KIF21A: variants seen among roughly 807,000 people sequenced by gnomAD.
KIF21A encodes the protein kinesin-like protein KIF21A.
Under a neutral mutation model 202.9 loss-of-function variants are expected in KIF21A, and 114 were observed. The observed-to-expected ratio is 0.56, with a 90% CI of 0.48 to 0.66. The LOEUF (loss-of-function observed/expected upper bound fraction) is 0.66. Ranked by LOEUF, KIF21A falls within the 30% of genes least tolerant of loss-of-function variation. The pLI, the probability that KIF21A is intolerant of heterozygous loss-of-function variation, is 0.00. For synonymous variants in KIF21A, 667 were observed against 670.8 expected (o/e 0.99, Z 0.09); for missense variants, 1,677 against 1,994.9 (o/e 0.84, Z 3.04).
chr12:39,425,500 T>C (rs190380288), intron 1 of KIF21A, among the ~76,000 whole-genome samples: 2 of 152,210 alleles, frequency 1.3e-5, no homozygotes, highest in African/African-American at 4.8e-5. Context: ...AAACAAGAAA[T>C]AAAAGAGCCT....
intron 11 of KIF21A, among the ~76,000 whole-genome samples, chr12:39,347,668 C>G (rs1297740224): frequency 1.3e-5 from 2 of 152,018 alleles, no homozygotes; most frequent in East Asian, 3.8e-4. Context: ...GACTAGCAAT[C>G]TTTCTGAGAA....
At chr12:39,389,444 G>A (rs1037684387) in intron 1 of KIF21A, among the ~76,000 whole-genome samples, 1 of 152,234 alleles carries the variant, frequency 6.6e-6, no homozygotes, top group Admixed American at 6.5e-5. Flanking sequence ...GAGAAATAAT[G>A]TGCACCATGG....
In KIF21A at chr12:39,340,303, T is replaced by C. The variant is rs751212958; in HGVS notation, c.2172A>G (p.Lys724=). The change falls in exon 16 of 38, where the codon AAA becomes AAG. Residue 724 remains lysine, a synonymous_variant. Transcript: ENST00000361418. Reference sequence around the variant, plus strand: ...GCAGTTCTTTGTTCATGGCTTGGAGTTTCTTTTCATATTCAGACCTAACTT... The same window carrying C: ...GCAGTTCTTTGTTCATGGCTTGGAGCTTCTTTTCATATTCAGACCTAACTT... ...AKKVRSEYEK[K]LQAMNKELQR... The C allele has an allele frequency of 6.2e-7, 1 of 1,612,622 alleles. No individual in the cohort carries two copies. Among genetic ancestry groups the C allele is most frequent in the Non-Finnish European group, 8.5e-7 (1 of 1,179,458 alleles).
intron 24 of KIF21A, among the ~76,000 whole-genome samples, chr12:39,329,773 T>C (rs1946343798): frequency 6.6e-6 from 1 of 152,092 alleles, no homozygotes; most frequent in Non-Finnish European, 1.5e-5. Flanking sequence ...TTTTGTTCAG[T>C]TTACAATATT....
At chr12:39,298,558 C>A (rs1319101112) in intron 37 of KIF21A, among the ~76,000 whole-genome samples, 1 of 152,026 alleles carries the variant, frequency 6.6e-6, no homozygotes, top group Non-Finnish European at 1.5e-5. Context: ...GCCAACTAAC[C>A]CTAGAGTAAT....
intron 37 of KIF21A, among the ~76,000 whole-genome samples, chr12:39,297,765 C>G (rs1034851051): frequency 6.6e-6 from 1 of 150,768 alleles, no homozygotes; most frequent in African/African-American, 2.4e-5. Context: ...TAAACTAAAA[C>G]AAATGAAACC....
intron 1 of KIF21A, among the ~76,000 whole-genome samples, chr12:39,425,249 T>G (rs1264243680): frequency 6.6e-6 from 1 of 152,192 alleles, no homozygotes; most frequent in Non-Finnish European, 1.5e-5. Context: ...AAAAAAATAT[T>G]TATTGTCTCT....
Position 39,322,506 on chromosome 12 carries a change from C to T in KIF21A, c.3671+162G>A, listed in dbSNP as rs1260628222. On this transcript the variant is annotated intron_variant, in intron 27 of 37. Transcript: ENST00000361418. ...GACATCTCATCTTAAATTATTTCAA[C>T]TCTCCAATACCTTAGGGGAGACAAC... The T allele has an allele frequency of 8.9e-6, 5 of 562,582 alleles. No homozygotes were observed. The Admixed American group carries it at 1.3e-4, about 15-fold the overall frequency. The allele number at this position is 562,582 out of a possible 1,614,324, so 34.8% of individuals were successfully genotyped here.
intron 1 of KIF21A, among the ~76,000 whole-genome samples, chr12:39,405,866 TAATA>T: frequency 6.6e-6 from 1 of 152,148 alleles, no homozygotes; most frequent in Admixed American, 6.5e-5. Context: ...ATAAGAAAAA[TAATA>T]AAGTCACTCA....
chr12:39,297,197 G>C (rs1350040375), intron 37 of KIF21A, among the ~76,000 whole-genome samples: 1 of 152,152 alleles, frequency 6.6e-6, no homozygotes, highest in African/African-American at 2.4e-5. Flanking sequence ...AGAATGAGCA[G>C]GTTTCTTGAA....
At chr12:39,331,201 A>G (rs1444301456) in intron 22 of KIF21A, among the ~76,000 whole-genome samples, 4 of 152,100 alleles carry the variant, frequency 2.6e-5, no homozygotes, top group Non-Finnish European at 4.4e-5. Flanking sequence ...AGAATCTAAC[A>G]GTCCCAACAT....
chr12:39,348,334 C>T (rs1419000175), intron 11 of KIF21A, among the ~76,000 whole-genome samples: 1 of 151,964 alleles, frequency 6.6e-6, no homozygotes, highest in African/African-American at 2.4e-5. Context: ...AGATATGCCA[C>T]ATAGTTTAAT....
chr12:39,311,550 G>T lies in KIF21A; in HGVS notation c.3963C>A (p.Gly1321=). Residue 1321 remains glycine (G), a synonymous_variant, in exon 32 of 38, where the codon GGC becomes GGA. Transcript: ENST00000361418. Reference sequence around the variant, plus strand: ...TTGAAGCAGGAAATGGGTTGATTATGCCCCTAAGGTGGGGAAAAAACAAAC... The same window carrying T: ...TTGAAGCAGGAAATGGGTTGATTATTCCCCTAAGGTGGGGAAAAAACAAAC... The part of the protein sequence containing the change: ...LSEVHRSSRR[G]IINPFPASKG... 1 of 1,612,650 alleles carries T rather than the reference G, an allele frequency of 6.2e-7. No individual in the cohort carries two copies. The highest frequency in any genetic ancestry group is 8.5e-7 in the Non-Finnish European group (1 of 1,178,954).
chr12:39,429,975 C>G (rs1227981635), intron 1 of KIF21A, among the ~76,000 whole-genome samples: 2 of 152,016 alleles, frequency 1.3e-5, no homozygotes, highest in Non-Finnish European at 2.9e-5. Flanking sequence ...GGGATTAACC[C>G]TATTTTATAC....
intron 31 of KIF21A, chr12:39,312,767 G>A (rs567580772): frequency 1.2e-4 from 19 of 152,002 alleles, no homozygotes; most frequent in African/African-American, 4.6e-4. Flanking sequence ...ATGTACTATG[G>A]AAATATAAAG....
intron 1 of KIF21A, among the ~76,000 whole-genome samples, chr12:39,394,771 T>C (rs749662719): frequency 6.6e-5 from 10 of 152,226 alleles, no homozygotes; most frequent in Non-Finnish European, 1.3e-4. Context: ...CGACCTAATA[T>C]ATAGTTACAG....
Position 39,351,876 on chromosome 12 carries a change from G to A in KIF21A, c.1574C>T (p.Pro525Leu), listed in dbSNP as rs1349715518. The change falls in exon 11 of 38, where the codon CCT becomes CTT. Residue 525 changes from proline to leucine, a missense_variant. Pro to Leu is a moderately conservative substitution (Grantham distance 98). This residue lies in a region of KIF21A where 966 missense variants were observed against 1,180.9 expected (regional missense o/e 0.82). Coordinates refer to ENST00000361418, the MANE Select transcript of KIF21A (RefSeq NM_001173464.2). Reference protein sequence around the residue: ...PYFSGSSTFSPTILSSDKETI... With the variant: ...PYFSGSSTFSLTILSSDKETI... ...TTCTTTGTCTGAGGATAGTATGGTA[G>A]GAGAAAAAGTTGATGATCCGCTGAA... 2.5e-6 allele frequency: 4 copies of A among 1,612,008 alleles called. No homozygotes were observed. Among genetic ancestry groups the A allele is most frequent in the Non-Finnish European group, 3.4e-6 (4 of 1,178,432 alleles).
At chr12:39,297,928 A>G (rs1366073850) in intron 37 of KIF21A, among the ~76,000 whole-genome samples, 1 of 150,190 alleles carries the variant, frequency 6.7e-6, no homozygotes, top group Non-Finnish European at 1.5e-5. Context: ...TATTATCAAA[A>G]AAAAAAAAGA....
intron 1 of KIF21A, among the ~76,000 whole-genome samples, chr12:39,433,191 T>C (rs924992503): frequency 9.9e-5 from 15 of 152,142 alleles, no homozygotes; most frequent in African/African-American, 3.4e-4. Context: ...TAAACTGATT[T>C]TGAGATCATT....
Sources: gnomAD v4.1 joint callset for allele counts (sites outside exome capture counted in the v4.1 genomes callset) on GRCh38, gnomAD v4.1.1 for gene constraint, gnomAD v4.1.1 regional missense constraint, MANE v1.5 for transcripts, NCBI Gene and HGNC (gene_info 2026-07-23, HGNC 2026-07-21) for gene names.